RALGPS2: variants seen among roughly 807,000 people sequenced by gnomAD.
RALGPS2 encodes the protein ras-specific guanine nucleotide-releasing factor RalGPS2.
Under a neutral mutation model 86.8 loss-of-function variants are expected in RALGPS2, and 43 were observed. The ratio of observed to expected loss-of-function variants is 0.50; its 90% CI spans 0.39 to 0.64. The LOEUF is 0.64. RALGPS2 is among the 30% of genes least tolerant of loss of function. RALGPS2 has a pLI of 0.00. For missense variants in RALGPS2, 536 were observed against 694.6 expected (o/e 0.77, Z 2.57); for synonymous variants, 243 against 231.3 (o/e 1.05, Z -0.46).
intron 7 of RALGPS2, among the ~76,000 whole-genome samples, chr1:178,828,288 T>C (rs1284088316): frequency 6.6e-6 from 1 of 152,230 alleles, no homozygotes; most frequent in Non-Finnish European, 1.5e-5. Flanking sequence ...GATTTTGTTG[T>C]TCAGACATCA....
chr1:178,763,074 C>T (rs1378694131), intron 1 of RALGPS2, among the ~76,000 whole-genome samples: 1 of 152,140 alleles, frequency 6.6e-6, no homozygotes, highest in African/African-American at 2.4e-5. Context: ...TGGTTATCCA[C>T]TTATCCCAGC....
intron 8 of RALGPS2, among the ~76,000 whole-genome samples, chr1:178,855,091 C>G (rs1657439698): frequency 6.6e-6 from 1 of 151,988 alleles, no homozygotes; most frequent in African/African-American, 2.4e-5. Flanking sequence ...AAGTTCTTAA[C>G]AAGAATTTCT....
intron 8 of RALGPS2, among the ~76,000 whole-genome samples, chr1:178,855,072 A>G (rs1657437782): frequency 6.6e-6 from 1 of 152,166 alleles, no homozygotes. Flanking sequence ...GTGAGAGTTT[A>G]GTCAAGTAAA....
At chr1:178,891,553 T>C (rs940038141) in intron 14 of RALGPS2, among the ~76,000 whole-genome samples, 3 of 152,128 alleles carry the variant, frequency 2.0e-5, no homozygotes, top group African/African-American at 7.2e-5. Context: ...AACAGTGCTT[T>C]CGGGTTTTCC....
intron 10 of RALGPS2, 22 bp downstream of exon 10, chr1:178,879,014 G>A: frequency 1.2e-6 from 2 of 1,609,390 alleles, no homozygotes; most frequent in Non-Finnish European, 1.7e-6. Context: ...CTTCAAAAGT[G>A]GTTTGTATAA....
chr1:178,905,286 A>G (rs1660346886), intron 18 of RALGPS2, among the ~76,000 whole-genome samples: 1 of 152,192 alleles, frequency 6.6e-6, no homozygotes, highest in African/African-American at 2.4e-5. Flanking sequence ...GGATTTAGTT[A>G]ACAGATTCTT....
chr1:178,827,551 C>T (rs922258417), intron 7 of RALGPS2, among the ~76,000 whole-genome samples: 9 of 151,678 alleles, frequency 5.9e-5, no homozygotes, highest in South Asian at 2.1e-4. Context: ...CCCGCCACTA[C>T]GCCCGGCTAA....
chr1:178,906,681 C>A lies in RALGPS2; in HGVS notation c.1631-95C>A, dbSNP rs1660401145. 3 of 905,104 alleles carry A rather than the reference C, an allele frequency of 3.3e-6. No homozygotes were observed. The Admixed American group carries it at 8.1e-5, about 24-fold the overall frequency. 56.1% of individuals were successfully genotyped at this position (905,104 alleles called of 1,614,324 possible). On this transcript the variant is annotated intron_variant, in intron 18 of 19. Transcript: ENST00000367635. ...GAATAGAATTCTAAAACTGAAAACT[C>A]TAGTCATGTTTAATTTGCTCATTAT...
intron 4 of RALGPS2, among the ~76,000 whole-genome samples, chr1:178,791,909 G>C (rs1653974632): frequency 6.6e-6 from 1 of 152,122 alleles, no homozygotes; most frequent in Non-Finnish European, 1.5e-5. Flanking sequence ...AAAATTCCAA[G>C]TCTTTTATTT....
chr1:178,744,780 T>C (rs1558098681), intron 1 of RALGPS2, among the ~76,000 whole-genome samples: 1 of 140,938 alleles, frequency 7.1e-6, no homozygotes, highest in Non-Finnish European at 1.5e-5. Context: ...ATCGCACCAC[T>C]GTACTCCAGC....
At chr1:178,831,124 G>A (rs1655996796) in intron 7 of RALGPS2, among the ~76,000 whole-genome samples, 2 of 152,158 alleles carry the variant, frequency 1.3e-5, no homozygotes, top group African/African-American at 2.4e-5. Flanking sequence ...TGAGGGGAAT[G>A]ATAAACAGAA....
rs139724708 is a variant in RALGPS2, at chr1:178,889,728, A to T, written c.1247+32A>T. The T allele has an allele frequency of 4.7e-5, 72 of 1,517,600 alleles. No individual in the cohort carries two copies. In the Middle Eastern group the frequency reaches 1.2e-3, roughly 25 times the overall value. 94.0% of individuals were successfully genotyped at this position (1,517,600 alleles called of 1,614,324 possible). ...TAAATTGTCCATTTGAACTACTTGGAGTTTATTTTGTCTGGGTTAAATAAT... is the reference window on the plus strand; with the variant it reads ...TAAATTGTCCATTTGAACTACTTGGTGTTTATTTTGTCTGGGTTAAATAAT... On this transcript the variant is annotated intron_variant, in intron 14 of 19. Transcript: ENST00000367635.
At chr1:178,883,337 G>C in intron 10 of RALGPS2, 129 bp from the exon 11 acceptor site, 2 of 674,312 alleles carry the variant, frequency 3.0e-6, no homozygotes, top group South Asian at 4.1e-5. Flanking sequence ...TGCTCTTGAA[G>C]AAAAGTATAT....
At chr1:178,819,778 T>G (rs7511848) in intron 6 of RALGPS2, among the ~76,000 whole-genome samples, 8,006 of 152,228 alleles carry the variant, frequency 0.053, 738 homozygotes, top group African/African-American at 0.18. Flanking sequence ...ATGTAGTCCT[T>G]ACTAAATTTT....
rs1467828743 is a variant in RALGPS2, at chr1:178,833,970, T to C, written c.607+420T>C. Among the ~76,000 whole-genome samples the C allele has an allele frequency of 2.6e-5, 4 of 152,172 alleles. No individual in the cohort carries two copies. The East Asian group carries it at 5.8e-4, about 22-fold the overall frequency. On this transcript the variant is annotated intron_variant, in intron 8 of 19. Coordinates refer to ENST00000367635, the MANE Select transcript of RALGPS2 (RefSeq NM_152663.5). Reference sequence around the variant, plus strand: ...ATATTGGTATTGTTGTTTACCTGAATGAAATGAGTTGATTCACTGTGGCAA... The same window carrying C: ...ATATTGGTATTGTTGTTTACCTGAACGAAATGAGTTGATTCACTGTGGCAA...
intron 1 of RALGPS2, among the ~76,000 whole-genome samples, chr1:178,749,781 C>T (rs1170189983): frequency 6.6e-6 from 1 of 151,956 alleles, no homozygotes; most frequent in Non-Finnish European, 1.5e-5. Flanking sequence ...TTGCATATTA[C>T]TCACATCTGT....
In RALGPS2 at chr1:178,725,322, G is replaced by C. The variant is rs1329165172; in HGVS notation, c.-181G>C. 5 of 166,232 alleles carry C rather than the reference G, an allele frequency of 3.0e-5. No homozygotes were observed. The highest frequency in any genetic ancestry group is 2.6e-4 in the Admixed American group (4 of 15,366). 10.3% of individuals were successfully genotyped at this position (166,232 alleles called of 1,614,324 possible). On this transcript the variant is annotated 5_prime_UTR_variant, in exon 1 of 20. Coordinates refer to ENST00000367635, the MANE Select transcript of RALGPS2 (RefSeq NM_152663.5). The stretch of plus-strand genomic sequence containing the variant: ...TGAATGAGAGACGGTGACTGTTCGG[G>C]TCGACGAGTGCTACTCTAGGCGGCG...
At position 178,847,867 on chromosome 1, in the gene RALGPS2, T is replaced by C. The variant is rs10913631; in HGVS notation, c.607+14317T>C. Among the ~76,000 whole-genome samples the C allele has an allele frequency of 4.8e-3, 730 of 152,316 alleles. 9 individuals are homozygous for C. Among genetic ancestry groups the C allele is most frequent in the African/African-American group, 0.017 (701 of 41,568 alleles). Reference sequence around the variant, plus strand: ...CAGAGATAGTGTATTTGTAGGTGTCTACTAAATTTCAAGTTGCTGTCTAAT... The same window carrying C: ...CAGAGATAGTGTATTTGTAGGTGTCCACTAAATTTCAAGTTGCTGTCTAAT... On this transcript the variant is annotated intron_variant, in intron 8 of 19. Transcript: ENST00000367635.
At chr1:178,780,131 A>T (rs1406400523) in intron 2 of RALGPS2, among the ~76,000 whole-genome samples, 1 of 152,212 alleles carries the variant, frequency 6.6e-6, no homozygotes. Context: ...TAACGTAATC[A>T]TGGAAGTGAC....
Sources: gnomAD v4.1 joint callset for allele counts (sites outside exome capture counted in the v4.1 genomes callset) on GRCh38, gnomAD v4.1.1 for gene constraint, MANE v1.5 for transcripts, NCBI Gene and HGNC (gene_info 2026-07-23, HGNC 2026-07-21) for gene names.